The following PINK1 variants were observed in gnomAD, a reference collection of about 807,000 sequenced individuals.
PINK1 encodes PTEN induced kinase 1.
Under a neutral mutation model 56.0 loss-of-function variants are expected in PINK1, and 58 were observed. That is an observed-to-expected ratio of 1.04 (90% confidence interval 0.84 to 1.29). The LOEUF is 1.29. Ranked by LOEUF, PINK1 falls within the 50% of genes most tolerant of loss-of-function variation. PINK1 has a pLI of 0.00. For synonymous variants in PINK1, 354 were observed against 339.3 expected (o/e 1.04, Z -0.48); for missense variants, 745 against 777.9 (o/e 0.96, Z 0.50).
At chr1:20,644,086 C>T (rs2053147667) in intron 3 of PINK1, among the ~76,000 whole-genome samples, 1 of 152,194 alleles carries the variant, frequency 6.6e-6, no homozygotes, top group African/African-American at 2.4e-5. Context: ...TATTCTCAAA[C>T]TGTAGATAAC....
chr1:20,637,806 C>T, intron 1 of PINK1, 36 bp from the exon 2 acceptor site: 1 of 1,611,972 alleles, frequency 6.2e-7, no homozygotes. Context: ...CCTTCCTAGG[C>T]TCCCTGGCTC....
intron 7 of PINK1, chr1:20,650,087 A>C (rs2053246396): frequency 5.4e-6 from 2 of 372,868 alleles, no homozygotes; most frequent in Non-Finnish European, 1.0e-5. Flanking sequence ...TGCGCAGTGA[A>C]GGTTAGAACA....
rs370906995 is a variant in PINK1, at chr1:20,639,986, C to T, written c.770C>T (p.Thr257Ile). The T allele has an allele frequency of 5.7e-5, 91 of 1,605,376 alleles. No individual in the cohort carries two copies. The Middle Eastern group carries it at 6.6e-4, about 12-fold the overall frequency. The change falls in exon 3 of 8, where the codon ACT becomes ATT. Residue 257 changes from threonine (T) to isoleucine (I), a missense_variant. Coordinates refer to ENST00000321556, the MANE Select transcript of PINK1 (RefSeq NM_032409.3). Reference sequence around the variant, plus strand: ...TTGGCTGGGGAGTATGGAGCAGTCACTTACAGGTAAGTGCCCTCTGCCTGC... The same window carrying T: ...TTGGCTGGGGAGTATGGAGCAGTCATTTACAGGTAAGTGCCCTCTGCCTGC... The part of the protein sequence containing the change: ...VALAGEYGAV[T>I]YRKSKRGPKQ...
chr1:20,646,621 C>T (rs1040256176), intron 5 of PINK1, among the ~76,000 whole-genome samples: 14 of 149,708 alleles, frequency 9.4e-5, no homozygotes, highest in African/African-American at 1.5e-4. Context: ...TCCAGCCTGG[C>T]GACAGAGTGA....
At position 20,641,161 on chromosome 1, in the gene PINK1, T is replaced by C. The variant is rs2053111911; in HGVS notation, c.776+1169T>C. ...AGGCAAAAGTATGAAATTAAGGGAG[T>C]GGTTGTGGAAAACCCCTTCCATGGT... is the stretch of plus-strand genomic sequence containing the variant. On this transcript the variant is annotated intron_variant, in intron 3 of 7. Coordinates refer to ENST00000321556, the MANE Select transcript of PINK1 (RefSeq NM_032409.3). The surrounding 1 kb of genome is among the most constrained non-coding windows in gnomAD (Gnocchi z 4.0). 6.6e-6 allele frequency among the ~76,000 whole-genome samples: 1 copy of C among 151,782 alleles called. No individual in the cohort carries two copies. Among genetic ancestry groups the C allele is most frequent in the African/African-American group, 2.4e-5 (1 of 41,304 alleles).
rs1350822075 is a variant in PINK1, at chr1:20,650,705, A to G, written c.*14A>G. On this transcript the variant is annotated 3_prime_UTR_variant, in exon 8 of 8. Coordinates refer to ENST00000321556, the MANE Select transcript of PINK1 (RefSeq NM_032409.3). ...GCAGCCCTGTGATGTCCCTGCATGG[A>G]GCTGGTGAATTACTAAAAGAACATG... 3.1e-6 allele frequency: 5 copies of G among 1,612,002 alleles called. No individual in the cohort carries two copies. In the African/African-American group the frequency reaches 5.3e-5, roughly 17 times the overall value.
At chr1:20,637,775 C>A in intron 1 of PINK1, 67 bp from the exon 2 acceptor site, 1 of 1,511,042 alleles carries the variant, frequency 6.6e-7, no homozygotes. Context: ...TCTCTGCCTC[C>A]CCTGTTTCCC....
chr1:20,640,097 T>C (rs2053101275), intron 3 of PINK1, 105 bp downstream of exon 3: 7 of 941,568 alleles, frequency 7.4e-6, no homozygotes, highest in Middle Eastern at 2.1e-4. Flanking sequence ...TGACAGTAGA[T>C]AATAAAGGCT....
intron 4 of PINK1, among the ~76,000 whole-genome samples, chr1:20,645,227 G>A (rs1033401309): frequency 6.6e-6 from 1 of 152,104 alleles, no homozygotes; most frequent in Admixed American, 6.6e-5. Context: ...GGTGGCTGAC[G>A]CCTGTAATCC....
chr1:20,640,431 G>T (rs918426907), intron 3 of PINK1, among the ~76,000 whole-genome samples: 2 of 152,198 alleles, frequency 1.3e-5, no homozygotes, highest in African/African-American at 4.8e-5. Flanking sequence ...TGGCCCAGAG[G>T]TCTCAGTGTG....
At position 20,650,760 on chromosome 1, in the gene PINK1, T is replaced by C; in HGVS notation, c.*69T>C. ...CCTCTGTGTCGTGATGGTCTGTGAA[T>C]GGTGAGGGTGGGAGTCAGGAGACAA... On this transcript the variant is annotated 3_prime_UTR_variant, in exon 8 of 8. Coordinates refer to ENST00000321556, the MANE Select transcript of PINK1 (RefSeq NM_032409.3). The C allele has an allele frequency of 6.4e-7, 1 of 1,570,306 alleles. No individual in the cohort carries two copies. The highest frequency in any genetic ancestry group is 1.1e-5 in the South Asian group (1 of 87,676).
At chr1:20,639,614 A>G in intron 2 of PINK1, 1 of 504,444 alleles carries the variant, frequency 2.0e-6, no homozygotes, top group South Asian at 2.0e-5. Flanking sequence ...GCAGCACCCC[A>G]TATCCTGATC....
chr1:20,647,714 C>G (rs564990829), intron 5 of PINK1, among the ~76,000 whole-genome samples: 1 of 152,088 alleles, frequency 6.6e-6, no homozygotes, highest in Non-Finnish European at 1.5e-5. Context: ...CGTGATCCGC[C>G]TGCCTCGGCC....
chr1:20,644,504 G>A lies in PINK1; in HGVS notation c.791G>A (p.Gly264Asp). 1 of 1,614,196 alleles carries A rather than the reference G, an allele frequency of 6.2e-7. No homozygotes were observed. The highest frequency in any genetic ancestry group is 8.5e-7 in the Non-Finnish European group (1 of 1,180,030). ...TGGCTGACTAGAAAATCCAAGAGAG[G>A]TCCCAAGCAACTAGCCCCTCACCCC... ...GAVTYRKSKR[G>D]PKQLAPHPNI... The change falls in exon 4 of 8, where the codon GGT becomes GAT. Residue 264 changes from glycine to aspartate, a missense_variant. By Grantham distance (94) the Gly-to-Asp change is moderately conservative. Transcript: ENST00000321556.
intron 2 of PINK1, 74 bp downstream of exon 2, chr1:20,638,203 T>G (rs992052035): frequency 2.0e-6 from 3 of 1,538,454 alleles, no homozygotes; most frequent in African/African-American, 2.7e-5. Flanking sequence ...GTGAGGATTT[T>G]TTCCAGGAAG....
intron 1 of PINK1, among the ~76,000 whole-genome samples, chr1:20,637,303 T>C (rs10916841): frequency 0.065 from 9,884 of 152,280 alleles, 338 homozygotes; most frequent in South Asian, 0.066. Context: ...TGAACTCTTG[T>C]ACTCTTGCTA....
chr1:20,649,142 C>G lies in PINK1; in HGVS notation c.1399C>G (p.Gln467Glu), dbSNP rs373657922. 3.7e-6 allele frequency: 6 copies of G among 1,614,116 alleles called. No homozygotes were observed. The highest frequency in any genetic ancestry group is 2.7e-5 in the African/African-American group (2 of 74,948). Residue 467 changes from glutamine to glutamate, a missense_variant, in exon 7 of 8, where the codon CAA becomes GAA. By Grantham distance (29) the Gln-to-Glu change is conservative. Coordinates refer to ENST00000321556, the MANE Select transcript of PINK1 (RefSeq NM_032409.3). ...GKAHLESRSY[Q>E]EAQLPALPES... ...GGCCCACCTTGAAAGCCGCAGCTAC[C>G]AAGAGGCTCAGCTACCTGCACTGCC...
At chr1:20,636,904 C>T (rs1269240500) in intron 1 of PINK1, among the ~76,000 whole-genome samples, 5 of 152,178 alleles carry the variant, frequency 3.3e-5, no homozygotes, top group East Asian at 3.8e-4. Context: ...GTGCAGGCAG[C>T]GTGCAGACCA....
intron 2 of PINK1, 49 bp from the exon 3 acceptor site, chr1:20,639,843 C>A (rs775745846): frequency 2.7e-5 from 42 of 1,545,790 alleles, no homozygotes; most frequent in East Asian, 1.2e-4. Flanking sequence ...AAGGAACTTA[C>A]CATTCTGCTC....
Sources: gnomAD v4.1 joint callset for allele counts (sites outside exome capture counted in the v4.1 genomes callset) on GRCh38, gnomAD v4.1.1 for gene constraint, Gnocchi (gnomAD v3.1) non-coding constraint, MANE v1.5 for transcripts, NCBI Gene and HGNC (gene_info 2026-07-23, HGNC 2026-07-21) for gene names.